The following UNC5C variants were observed in gnomAD, a reference collection of about 807,000 sequenced individuals.
UNC5C encodes unc-5 netrin receptor C.
A neutral mutation model predicts 99.8 loss-of-function variants in UNC5C; 47 were observed. That is an observed-to-expected ratio of 0.47 (90% CI 0.37 to 0.60). The LOEUF is 0.60. UNC5C is among the 20% of genes least tolerant of loss of function. The pLI, the probability that UNC5C is intolerant of heterozygous loss-of-function variation, is 0.00. For missense variants in UNC5C, 1,062 were observed against 1,165.9 expected, an observed-to-expected ratio of 0.91 and a Z score of 1.30; for synonymous variants, 487 against 452.2, an observed-to-expected ratio of 1.08 and a Z score of -0.98.
chr4:95,299,357 C>G (rs568136420), intron 3 of UNC5C, among the ~76,000 whole-genome samples: 9 of 152,266 alleles, frequency 5.9e-5, no homozygotes, highest in African/African-American at 2.2e-4. Flanking sequence ...GCACTTCCAG[C>G]CTTCAGAACT....
At chr4:95,486,069 A>T (rs1182998835) in intron 1 of UNC5C, among the ~76,000 whole-genome samples, 2 of 151,798 alleles carry the variant, frequency 1.3e-5, no homozygotes, top group African/African-American at 4.8e-5. Context: ...CAAATAATTT[A>T]TATGATTTAA....
At chr4:95,261,091 A>C (rs1341602467) in intron 4 of UNC5C, among the ~76,000 whole-genome samples, 1 of 152,160 alleles carries the variant, frequency 6.6e-6, no homozygotes, top group Admixed American at 6.5e-5. Context: ...GGAGGAGCCA[A>C]CTACAGTGCT....
Position 95,370,540 on chromosome 4 carries a change from C to G in UNC5C, c.125-34909G>C, listed in dbSNP as rs370680972. ...GTTTCCTGTCACTGGCTTTTGCAAG[C>G]AAAATTGGGTACACTCATGAAAAGT... On this transcript the variant is annotated intron_variant, in intron 1 of 15. Transcript: ENST00000453304. Among the ~76,000 whole-genome samples the G allele has an allele frequency of 1.6e-4, 25 of 152,176 alleles. No homozygotes were observed. The South Asian group carries it at 4.6e-3, about 28-fold the overall frequency.
intron 1 of UNC5C, among the ~76,000 whole-genome samples, chr4:95,387,025 GAAA>G (rs1351621195): frequency 1.3e-5 from 2 of 152,150 alleles, no homozygotes; most frequent in East Asian, 3.9e-4. Flanking sequence ...ATTTCTGGAA[GAAA>G]AAATATCCAT....
At chr4:95,280,871 T>C (rs540103900) in intron 3 of UNC5C, among the ~76,000 whole-genome samples, 1 of 145,730 alleles carries the variant, frequency 6.9e-6, no homozygotes. Context: ...ATTTTCTACA[T>C]TTTGCCACCC....
intron 1 of UNC5C, among the ~76,000 whole-genome samples, chr4:95,440,167 T>C (rs545836588): frequency 6.6e-5 from 10 of 152,128 alleles, no homozygotes; most frequent in Non-Finnish European, 1.5e-4. Context: ...AGAGAGGCTA[T>C]TGTTCTGCAC....
chr4:95,296,463 C>T (rs1295673551), intron 3 of UNC5C, among the ~76,000 whole-genome samples: 1 of 152,076 alleles, frequency 6.6e-6, no homozygotes, highest in African/African-American at 2.4e-5. Flanking sequence ...GGGTCTTATA[C>T]CTATATGTAC....
chr4:95,253,716 C>G (rs762693124), intron 4 of UNC5C, among the ~76,000 whole-genome samples: 1 of 152,162 alleles, frequency 6.6e-6, no homozygotes, highest in Non-Finnish European at 1.5e-5. Context: ...CAGCTTCTGA[C>G]AAGACCCCAC....
intron 1 of UNC5C, among the ~76,000 whole-genome samples, chr4:95,346,357 GA>G (rs1217222650): frequency 6.6e-6 from 1 of 151,958 alleles, no homozygotes; most frequent in East Asian, 1.9e-4. Flanking sequence ...AACATTTAAA[GA>G]AGAACTAATA....
chr4:95,291,162 G>GA lies in UNC5C; in HGVS notation c.490+10443dup, dbSNP rs1741429640. Reference sequence around the variant, plus strand: ...TGACATCCACTACAGAAAAGAGGAAGAAAAAAAATCCATACAAGCCACTCT... The same window carrying GA: ...TGACATCCACTACAGAAAAGAGGAAGAAAAAAAAATCCATACAAGCCACTCT... On this transcript the variant is annotated intron_variant, in intron 3 of 15. Coordinates refer to ENST00000453304, the MANE Select transcript of UNC5C (RefSeq NM_003728.4). Among the ~76,000 whole-genome samples the GA allele has an allele frequency of 2.7e-5, 4 of 149,478 alleles. No individual in the cohort carries two copies. The South Asian group carries it at 8.4e-4, about 31-fold the overall frequency.
At chr4:95,284,966 A>G (rs1480074664) in intron 3 of UNC5C, among the ~76,000 whole-genome samples, 1 of 152,208 alleles carries the variant, frequency 6.6e-6, no homozygotes, top group Non-Finnish European at 1.5e-5. Context: ...TCATACTAAC[A>G]TCTCTCCACC....
intron 1 of UNC5C, among the ~76,000 whole-genome samples, chr4:95,537,069 T>G (rs554128829): frequency 1.1e-4 from 16 of 152,352 alleles, no homozygotes; most frequent in Admixed American, 9.1e-4. Flanking sequence ...AAGCTTTTCC[T>G]TTTCCTTTCT....
At chr4:95,367,256 C>T (rs1744602488) in intron 1 of UNC5C, among the ~76,000 whole-genome samples, 2 of 150,700 alleles carry the variant, frequency 1.3e-5, no homozygotes, top group African/African-American at 4.9e-5. Flanking sequence ...GCAGCCTCCA[C>T]TTTCTGGGCT....
At chr4:95,356,386 A>G (rs112079138) in intron 1 of UNC5C, among the ~76,000 whole-genome samples, 2,751 of 152,148 alleles carry the variant, frequency 0.018, 45 homozygotes, top group Middle Eastern at 0.034. Flanking sequence ...CAGTTACCAT[A>G]TCACTTACCA....
intron 1 of UNC5C, among the ~76,000 whole-genome samples, chr4:95,364,052 A>C (rs1375419192): frequency 6.6e-6 from 1 of 152,198 alleles, no homozygotes; most frequent in Non-Finnish European, 1.5e-5. Flanking sequence ...CATGTTCAAA[A>C]TGACCCATCT....
intron 1 of UNC5C, among the ~76,000 whole-genome samples, chr4:95,347,233 G>T (rs1743809334): frequency 6.6e-6 from 1 of 151,868 alleles, no homozygotes; most frequent in Non-Finnish European, 1.5e-5. Flanking sequence ...AATGAAAACT[G>T]TAAAACATTG....
intron 2 of UNC5C, among the ~76,000 whole-genome samples, chr4:95,315,022 C>T (rs774323483): frequency 4.0e-5 from 6 of 151,834 alleles, no homozygotes; most frequent in African/African-American, 1.2e-4. Context: ...AATGGAAATC[C>T]GTCTTTGTGT....
chr4:95,529,577 T>A (rs1722588699), intron 1 of UNC5C, among the ~76,000 whole-genome samples: 1 of 151,592 alleles, frequency 6.6e-6, no homozygotes, highest in Non-Finnish European at 1.5e-5. Context: ...AACTAAAAAA[T>A]CAGCTAGGCA....
intron 1 of UNC5C, among the ~76,000 whole-genome samples, chr4:95,392,375 G>C (rs1243419590): frequency 6.6e-6 from 1 of 151,424 alleles, no homozygotes; most frequent in Non-Finnish European, 1.5e-5. Flanking sequence ...CACAAATTTT[G>C]GGCATAATTT....
Sources: gnomAD v4.1 joint callset for allele counts (sites outside exome capture counted in the v4.1 genomes callset) on GRCh38, gnomAD v4.1.1 for gene constraint, MANE v1.5 for transcripts, NCBI Gene and HGNC (gene_info 2026-07-23, HGNC 2026-07-21) for gene names.